Variants in KIAA1217 observed in about 807,000 individuals in gnomAD.
KIAA1217 encodes the protein KIAA1217, also known as sickle tail protein homolog.
In KIAA1217, 88 loss-of-function variants were observed where a neutral mutation model predicts 163.9. That is an observed-to-expected ratio of 0.54 (90% CI 0.45 to 0.64). KIAA1217 has a LOEUF of 0.64. KIAA1217 is among the 30% of genes least tolerant of loss of function. The pLI, the probability that KIAA1217 is intolerant of heterozygous loss-of-function variation, is 0.00. For synonymous variants in KIAA1217, 903 were observed against 923.1 expected (o/e 0.98, Z 0.39); for missense variants, 2,372 against 2,475.0 (o/e 0.96, Z 0.88).
chr10:23,778,946 A>C (rs1165263008), intron 1 of KIAA1217, among the ~76,000 whole-genome samples: 2 of 147,134 alleles, frequency 1.4e-5, no homozygotes, highest in Non-Finnish European at 3.0e-5. Flanking sequence ...TCATTATATG[A>C]CTATACAACT....
intron 2 of KIAA1217, among the ~76,000 whole-genome samples, chr10:24,018,514 A>C (rs968952115): frequency 6.6e-6 from 1 of 151,852 alleles, no homozygotes; most frequent in Non-Finnish European, 1.5e-5. Context: ...CATATGTAAC[A>C]AACCTGCACA....
At chr10:24,495,020 T>TA in intron 7 of KIAA1217, 127 bp from the exon 8 acceptor site, 1 of 759,596 alleles carries the variant, frequency 1.3e-6, no homozygotes, top group South Asian at 1.9e-5. Flanking sequence ...ATGCTGATGC[T>TA]AAAATACCTT....
chr10:24,500,880 C>G (rs1478110330), intron 8 of KIAA1217, among the ~76,000 whole-genome samples: 1 of 151,974 alleles, frequency 6.6e-6, no homozygotes, highest in African/African-American at 2.4e-5. Flanking sequence ...CCCAGGTGTT[C>G]GAGACCTGCC....
chr10:23,705,125 A>C (rs1346858343), intron 1 of KIAA1217, among the ~76,000 whole-genome samples: 5 of 152,076 alleles, frequency 3.3e-5, no homozygotes, highest in Non-Finnish European at 7.4e-5. Context: ...ATTCATTGTC[A>C]ACTTTTAAAT....
At chr10:24,059,022 A>G (rs2060624244) in intron 2 of KIAA1217, among the ~76,000 whole-genome samples, 1 of 152,152 alleles carries the variant, frequency 6.6e-6, no homozygotes, top group South Asian at 2.1e-4. Flanking sequence ...TGAGCTTGTC[A>G]TATATGGCCT....
rs141965191 is a variant in KIAA1217, at chr10:24,291,244, A to G, written c.354+71335A>G. Among the ~76,000 whole-genome samples, 5 of 152,184 alleles carry G rather than the reference A, an allele frequency of 3.3e-5. No individual in the cohort carries two copies. In the East Asian group the frequency reaches 9.7e-4, roughly 29 times the overall value. On this transcript the variant is annotated intron_variant, in intron 2 of 20. Coordinates refer to ENST00000376454, the MANE Select transcript of KIAA1217 (RefSeq NM_019590.5). ...CAATTATCTTAGAAAATTTCACTCA[A>G]TCGGCTGGGCATGGTGGCTCACGCC...
intron 1 of KIAA1217, among the ~76,000 whole-genome samples, chr10:23,934,808 G>A (rs932015454): frequency 1.3e-5 from 2 of 150,372 alleles, no homozygotes; most frequent in Non-Finnish European, 3.0e-5. Context: ...TAGTAGAGAC[G>A]GAGTCTCACC....
intron 2 of KIAA1217, among the ~76,000 whole-genome samples, chr10:24,038,271 A>G (rs1414273833): frequency 6.6e-6 from 1 of 152,246 alleles, no homozygotes; most frequent in African/African-American, 2.4e-5. Context: ...GAGAGGAAAA[A>G]TAATAAACCA....
intron 3 of KIAA1217, among the ~76,000 whole-genome samples, 190 bp from the exon 4 acceptor site, chr10:24,432,805 A>T (rs17586234): frequency 0.014 from 2,185 of 152,280 alleles, 26 homozygotes; most frequent in South Asian, 0.028. Context: ...ACTTCAAAGA[A>T]CGAAGGTGAG....
At chr10:24,485,049 G>A (rs2065207140) in intron 6 of KIAA1217, among the ~76,000 whole-genome samples, 1 of 151,724 alleles carries the variant, frequency 6.6e-6, no homozygotes, top group South Asian at 2.1e-4. Context: ...CACCAGGCCT[G>A]GGTGGGACTG....
chr10:24,416,426 T>G (rs1336375168), intron 3 of KIAA1217, among the ~76,000 whole-genome samples: 1 of 152,220 alleles, frequency 6.6e-6, no homozygotes, highest in African/African-American at 2.4e-5. Context: ...CAGAGAAGGT[T>G]CTGTTCCTGG....
chr10:24,069,420 G>C (rs2061097535), intron 2 of KIAA1217, among the ~76,000 whole-genome samples: 1 of 152,128 alleles, frequency 6.6e-6, no homozygotes, highest in East Asian at 1.9e-4. Flanking sequence ...TGTAGCCCCA[G>C]GTGTCTGGCA....
intron 2 of KIAA1217, among the ~76,000 whole-genome samples, chr10:24,039,381 TG>T: frequency 6.6e-6 from 1 of 152,280 alleles, no homozygotes; most frequent in South Asian, 2.1e-4. Context: ...AACCATACTT[TG>T]AATTTTGAAA....
intron 1 of KIAA1217, among the ~76,000 whole-genome samples, chr10:23,766,216 T>A (rs1165268629): frequency 6.6e-6 from 1 of 152,254 alleles, no homozygotes; most frequent in African/African-American, 2.4e-5. Context: ...AGTGTGATTT[T>A]GTGCCCTGCA....
At position 24,419,172 on chromosome 10, in the gene KIAA1217, C is replaced by CAAA. The variant is rs71397949; in HGVS notation, c.554-13807_554-13805dup. On this transcript the variant is annotated intron_variant, in intron 3 of 20. Coordinates refer to ENST00000376454, the MANE Select transcript of KIAA1217 (RefSeq NM_019590.5). ...GTGGCAACAGAGCAAGACTCGTCTCCAAAAAAAAAAAAAAAAAAGAAAGAA... is the reference window on the plus strand; with the variant it reads ...GTGGCAACAGAGCAAGACTCGTCTCCAAAAAAAAAAAAAAAAAAAAAGAAAGAA... Among the ~76,000 whole-genome samples the CAAA allele has an allele frequency of 9.0e-3, 744 of 82,564 alleles. 4 individuals are homozygous for CAAA. Among genetic ancestry groups the CAAA allele is most frequent in the Non-Finnish European group, 0.012 (504 of 41,442 alleles). 54.2% of individuals were successfully genotyped at this position (82,564 alleles called of 152,430 possible).
intron 2 of KIAA1217, among the ~76,000 whole-genome samples, chr10:24,221,556 C>A (rs2069658495): frequency 6.6e-6 from 1 of 152,178 alleles, no homozygotes; most frequent in African/African-American, 2.4e-5. Context: ...ATCTCATATT[C>A]TTCCTTAAAT....
At chr10:23,711,356 T>A (rs1394652774) in intron 1 of KIAA1217, among the ~76,000 whole-genome samples, 1 of 151,992 alleles carries the variant, frequency 6.6e-6, no homozygotes, top group African/African-American at 2.4e-5. Flanking sequence ...ATCACAAGGG[T>A]CCTTACAAGA....
chr10:24,194,877 G>A (rs1169943928), intron 2 of KIAA1217, among the ~76,000 whole-genome samples: 1 of 151,238 alleles, frequency 6.6e-6, no homozygotes, highest in Non-Finnish European at 1.5e-5. Flanking sequence ...CAAAATACTG[G>A]GATTAGAGGC....
chr10:24,234,831 C>A (rs934036380), intron 2 of KIAA1217, among the ~76,000 whole-genome samples: 1 of 152,118 alleles, frequency 6.6e-6, no homozygotes, highest in African/African-American at 2.4e-5. Flanking sequence ...TACTGTATGT[C>A]TATTCTTCTT....
Sources: allele counts gnomAD v4.1 joint callset (sites outside exome capture counted in the v4.1 genomes callset), GRCh38; gene constraint gnomAD v4.1.1; transcripts MANE v1.5; gene names NCBI Gene and HGNC (gene_info 2026-07-23, HGNC 2026-07-21).